TNFAIP8: variants seen among roughly 807,000 people sequenced by gnomAD.
The protein encoded by TNFAIP8 is tumor necrosis factor alpha-induced protein 8.
Under a neutral mutation model 13.3 loss-of-function variants are expected in TNFAIP8, and 7 were observed. The ratio of observed to expected loss-of-function variants is 0.52; its 90% CI spans 0.30 to 0.99. TNFAIP8 has a LOEUF of 0.99. Ranked by LOEUF, TNFAIP8 falls within the 50% of genes least tolerant of loss-of-function variation. TNFAIP8 has a pLI of 0.07. For synonymous variants in TNFAIP8, 94 were observed against 87.6 expected (o/e 1.07, Z -0.41); for missense variants, 258 against 236.9 (o/e 1.09, Z -0.58).
intron 1 of TNFAIP8, among the ~76,000 whole-genome samples, chr5:119,301,095 G>C (rs180830611): frequency 6.6e-6 from 1 of 152,250 alleles, no homozygotes; most frequent in East Asian, 1.9e-4. Flanking sequence ...CAGTCTCCCA[G>C]CTTCCGGTCC....
At chr5:119,361,466 T>G (rs755671362) in intron 1 of TNFAIP8, among the ~76,000 whole-genome samples, 27 of 152,174 alleles carry the variant, frequency 1.8e-4, no homozygotes, top group Non-Finnish European at 2.9e-4. Context: ...GGGGAGGAGT[T>G]GTGTTTATGT....
intron 1 of TNFAIP8, among the ~76,000 whole-genome samples, chr5:119,331,519 A>C (rs954559292): frequency 1.3e-5 from 2 of 152,028 alleles, no homozygotes; most frequent in Non-Finnish European, 2.9e-5. Flanking sequence ...GTTTTTGGAG[A>C]GCTCTCTCCA....
intron 1 of TNFAIP8, among the ~76,000 whole-genome samples, chr5:119,299,567 C>G (rs1488536711): frequency 6.6e-6 from 1 of 152,158 alleles, no homozygotes; most frequent in East Asian, 1.9e-4. Context: ...GGTCAGGGAC[C>G]CTCGTGAGGA....
chr5:119,319,494 C>CTATT (rs1749992675), intron 1 of TNFAIP8, among the ~76,000 whole-genome samples: 1 of 152,122 alleles, frequency 6.6e-6, no homozygotes, highest in Admixed American at 6.5e-5. Flanking sequence ...ATCTGAGAGT[C>CTATT]TGAGTGAATG....
chr5:119,281,347 TATAAAG>T (rs1434586921), intron 1 of TNFAIP8, among the ~76,000 whole-genome samples: 2 of 74,956 alleles, frequency 2.7e-5, no homozygotes, highest in African/African-American at 8.5e-5. Flanking sequence ...TAAATACTCA[TATAAAG>T]ATAAAATACT....
At chr5:119,357,219 AAGG>A (rs1282428233) in intron 1 of TNFAIP8, among the ~76,000 whole-genome samples, 3 of 152,196 alleles carry the variant, frequency 2.0e-5, no homozygotes, top group African/African-American at 4.8e-5. Context: ...AGTCAATAAA[AAGG>A]AGGTTTGTTT....
rs377481222 is a variant in TNFAIP8, at chr5:119,275,444, G to A, written c.1+6537G>A. 6.6e-5 allele frequency among the ~76,000 whole-genome samples: 10 copies of A among 152,058 alleles called. No individual in the cohort carries two copies. The East Asian group carries it at 9.6e-4, about 15-fold the overall frequency. ...GGATGGGCATCCTTATTTCAACAGC[G>A]GCGCATGTTTGGAAGAGCACGGGCC... On this transcript the variant is annotated intron_variant, in intron 1 of 1. Transcript: ENST00000274456.
At chr5:119,293,619 GT>G (rs1277628681) in intron 1 of TNFAIP8, among the ~76,000 whole-genome samples, 1 of 152,140 alleles carries the variant, frequency 6.6e-6, no homozygotes, top group Non-Finnish European at 1.5e-5. Flanking sequence ...AAATTGGATT[GT>G]GGTAATGGTT....
At chr5:119,289,626 C>G (rs1748921851) in intron 1 of TNFAIP8, among the ~76,000 whole-genome samples, 1 of 152,174 alleles carries the variant, frequency 6.6e-6, no homozygotes, top group Non-Finnish European at 1.5e-5. Flanking sequence ...TGACTGACAC[C>G]AAATCCTGTA....
At chr5:119,363,605 A>G (rs1268399507) in intron 1 of TNFAIP8, among the ~76,000 whole-genome samples, 1 of 152,248 alleles carries the variant, frequency 6.6e-6, no homozygotes, top group African/African-American at 2.4e-5. Flanking sequence ...AATTTAATTC[A>G]TCTTAAAAAG....
intron 1 of TNFAIP8, among the ~76,000 whole-genome samples, chr5:119,369,460 G>C (rs1386215016): frequency 2.0e-5 from 3 of 152,170 alleles, no homozygotes; most frequent in South Asian, 2.1e-4. Flanking sequence ...GCGTCTTCTA[G>C]TTTTTATGAT....
intron 1 of TNFAIP8, chr5:119,391,235 C>G: frequency 1.8e-6 from 1 of 545,104 alleles, no homozygotes; most frequent in Non-Finnish European, 3.3e-6. Context: ...CTTTTTGCTT[C>G]CTAATGATGC....
chr5:119,295,556 G>A (rs1749149098), intron 1 of TNFAIP8, among the ~76,000 whole-genome samples: 1 of 152,074 alleles, frequency 6.6e-6, no homozygotes, highest in African/African-American at 2.4e-5. Context: ...TTTGAAGTCA[G>A]GTAGCGTGAT....
At chr5:119,296,167 A>C (rs578075552) in intron 1 of TNFAIP8, among the ~76,000 whole-genome samples, 1,687 of 150,686 alleles carry the variant, frequency 0.011, 23 homozygotes, top group African/African-American at 0.039. Flanking sequence ...CACTATGTTG[A>C]ATAGGAGTGG....
At position 119,335,128 on chromosome 5, in the gene TNFAIP8, C is replaced by T. The variant is rs559983812; in HGVS notation, c.2-57688C>T. On this transcript the variant is annotated intron_variant, in intron 1 of 1. Coordinates refer to the TNFAIP8 transcript ENST00000274456. The stretch of plus-strand genomic sequence containing the variant: ...TGTCTACTCTGTTCCTGGTAAATTT[C>T]ACTCTTGGATATCAGCACATCCTGA... 5.7e-4 allele frequency among the ~76,000 whole-genome samples: 87 copies of T among 152,254 alleles called. 2 individuals are homozygous for T. In the South Asian group the frequency reaches 0.016, roughly 29 times the overall value.
upstream of TNFAIP8, chr5:119,355,267 TC>T (rs771360706): frequency 1.4e-6 from 1 of 699,894 alleles, no homozygotes; most frequent in Non-Finnish European, 2.6e-6. Flanking sequence ...AACCGTGCTC[TC>T]CCCCTGAGGA....
At chr5:119,367,462 G>A (rs1041811903) in intron 1 of TNFAIP8, among the ~76,000 whole-genome samples, 1 of 152,176 alleles carries the variant, frequency 6.6e-6, no homozygotes, top group African/African-American at 2.4e-5. Flanking sequence ...ACCAGCAAAA[G>A]TGTCTCAGAG....
chr5:119,344,633 C>G (rs1312114681), intron 1 of TNFAIP8, among the ~76,000 whole-genome samples: 1 of 152,052 alleles, frequency 6.6e-6, no homozygotes, highest in Non-Finnish European at 1.5e-5. Context: ...AACCCACTGT[C>G]TTGTTTAAGG....
intron 1 of TNFAIP8, among the ~76,000 whole-genome samples, chr5:119,320,265 C>G (rs1241386609): frequency 6.6e-6 from 1 of 152,142 alleles, no homozygotes; most frequent in African/African-American, 2.4e-5. Context: ...TTCAGGGTCC[C>G]TAAAGGCTTT....
Sources: allele counts gnomAD v4.1 joint callset (sites outside exome capture counted in the v4.1 genomes callset), GRCh38; gene constraint gnomAD v4.1.1; transcripts MANE v1.5; gene names NCBI Gene and HGNC (gene_info 2026-07-23, HGNC 2026-07-21).